The following HK2 variants were observed in gnomAD, a reference collection of about 807,000 sequenced individuals.
The protein encoded by HK2 is hexokinase 2, also known as hexokinase-2.
In HK2, 42 loss-of-function variants were observed where a neutral mutation model predicts 92.9. That is an observed-to-expected ratio of 0.45 (90% CI 0.35 to 0.58). HK2 has a LOEUF of 0.58. Among genes scored for constraint, HK2 ranks in the 20% least tolerant of loss-of-function variants. The probability of loss-of-function intolerance (pLI) is 0.00; values close to 1 mark genes in which losing one functional copy is unlikely to be tolerated. For missense variants in HK2, 978 were observed against 1,245.1 expected, an observed-to-expected ratio of 0.79 and a Z score of 3.23; for synonymous variants, 422 against 468.0, an observed-to-expected ratio of 0.90 and a Z score of 1.27.
chr2:74,842,008 G>A (rs1688325341), intron 1 of HK2, among the ~76,000 whole-genome samples: 1 of 152,220 alleles, frequency 6.6e-6, no homozygotes. Flanking sequence ...GTTGAACTCT[G>A]GCTTTCTGCA....
chr2:74,843,136 C>A (rs3821310), intron 1 of HK2, among the ~76,000 whole-genome samples: 21,734 of 152,142 alleles, frequency 0.14, 1,855 homozygotes, highest in African/African-American at 0.23. Flanking sequence ...AGGTTTGGCC[C>A]CACCGACCCC....
chr2:74,848,173 GC>G (rs1299626147), intron 1 of HK2, among the ~76,000 whole-genome samples: 3 of 152,062 alleles, frequency 2.0e-5, no homozygotes, highest in Non-Finnish European at 2.9e-5. Context: ...AGTCTCTCAG[GC>G]CACTTAAATC....
intron 1 of HK2, among the ~76,000 whole-genome samples, chr2:74,838,152 G>A (rs1688213356): frequency 6.6e-6 from 1 of 152,194 alleles, no homozygotes; most frequent in Admixed American, 6.5e-5. Flanking sequence ...ATCTGTTAGA[G>A]TTGATGGTTT....
At chr2:74,870,736 G>C (rs1689078518) in intron 3 of HK2, among the ~76,000 whole-genome samples, 1 of 152,104 alleles carries the variant, frequency 6.6e-6, no homozygotes, top group Non-Finnish European at 1.5e-5. Context: ...TAAAATACTT[G>C]AACTCTGTTC....
chr2:74,877,038 C>G, intron 7 of HK2, 128 bp from the exon 8 acceptor site: 5 of 1,283,150 alleles, frequency 3.9e-6, no homozygotes, highest in Non-Finnish European at 5.6e-6. Flanking sequence ...GTATCTTACT[C>G]CTGGGCCGTG....
intron 1 of HK2, among the ~76,000 whole-genome samples, chr2:74,841,749 C>T (rs1688320756): frequency 6.6e-6 from 1 of 152,214 alleles, no homozygotes; most frequent in South Asian, 2.1e-4. Flanking sequence ...ACAAGTGCTC[C>T]AGAAAGCCAG....
Position 74,885,581 on chromosome 2 carries a change from C to A in HK2, c.1927C>A (p.Arg643=). The part of the protein sequence containing the change: ...VVTLLKEAIH[R]REEFDLDVVA... The stretch of plus-strand genomic sequence containing the variant: ...GACCCTGCTGAAGGAAGCGATCCAC[C>A]GGCGAGAGGTAGGAGACACATGGCA... The change falls in exon 13 of 18, where the codon CGG becomes AGG. Residue 643 remains arginine, a synonymous_variant. Transcript: ENST00000290573. The A allele has an allele frequency of 2.1e-5, 34 of 1,610,174 alleles. No individual in the cohort carries two copies. The highest frequency in any genetic ancestry group is 2.9e-5 in the Non-Finnish European group (34 of 1,176,482).
chr2:74,861,442 G>C (rs1256742924), intron 2 of HK2, among the ~76,000 whole-genome samples: 2 of 151,374 alleles, frequency 1.3e-5, no homozygotes, highest in East Asian at 3.9e-4. Context: ...AATGCAGGAA[G>C]AATTGATAGC....
chr2:74,851,226 C>G (rs564928478), intron 1 of HK2, among the ~76,000 whole-genome samples: 1 of 152,332 alleles, frequency 6.6e-6, no homozygotes, highest in East Asian at 1.9e-4. Context: ...CCCAAGTGAT[C>G]TATAAAACGG....
intron 3 of HK2, among the ~76,000 whole-genome samples, chr2:74,870,081 T>C (rs982775635): frequency 6.7e-6 from 1 of 148,988 alleles, no homozygotes; most frequent in Non-Finnish European, 1.5e-5. Flanking sequence ...CCATCCCGGC[T>C]CTCTGCAATT....
Position 74,834,690 on chromosome 2 carries a change from T to G in HK2, c.63+47T>G, listed in dbSNP as rs754446518. The G allele has an allele frequency of 6.3e-7, 1 of 1,586,652 alleles. No individual in the cohort carries two copies. The highest frequency in any genetic ancestry group is 2.2e-5 in the East Asian group (1 of 44,686). ...GGCAGGCTGGGCTCTGGCAAAGTGGTCTGGCCTCCATCAGTCTCTTCCTCG... is the reference window on the plus strand; with the variant it reads ...GGCAGGCTGGGCTCTGGCAAAGTGGGCTGGCCTCCATCAGTCTCTTCCTCG... On this transcript the variant is annotated intron_variant, in intron 1 of 17. Coordinates refer to ENST00000290573, the MANE Select transcript of HK2 (RefSeq NM_000189.5). This position sits in a 1 kb window ranked among gnomAD's most constrained non-coding sequence, Gnocchi z 4.2.
chr2:74,880,239 C>T (rs1014741524), intron 9 of HK2, 26 bp from the exon 10 acceptor site: 3 of 1,613,574 alleles, frequency 1.9e-6, no homozygotes, highest in Non-Finnish European at 2.5e-6. Flanking sequence ...GGACACCTGT[C>T]TCTTACCCGC....
At chr2:74,852,649 T>C (rs1020122915) in intron 1 of HK2, among the ~76,000 whole-genome samples, 3 of 150,896 alleles carry the variant, frequency 2.0e-5, no homozygotes, top group Admixed American at 2.0e-4. Context: ...AGCTGGGCAA[T>C]ATAGCAAGAC....
intron 13 of HK2, among the ~76,000 whole-genome samples, chr2:74,885,845 AACACACACACACACACAC>A (rs71406901): frequency 7.7e-6 from 1 of 129,126 alleles, no homozygotes; most frequent in Admixed American, 7.6e-5. Flanking sequence ...AGAGCTGTGA[AACACACACACACACACAC>A]ACACACACAC....
At chr2:74,837,672 C>CT (rs894014535) in intron 1 of HK2, among the ~76,000 whole-genome samples, 20,295 of 104,270 alleles carry the variant, frequency 0.19, 2,502 homozygotes, top group Non-Finnish European at 0.24. Flanking sequence ...TTGCCCTTGT[C>CT]TTTTTTTTTT....
chr2:74,837,734 G>A (rs1416587551), intron 1 of HK2, among the ~76,000 whole-genome samples: 1 of 145,292 alleles, frequency 6.9e-6, no homozygotes, highest in African/African-American at 2.6e-5. Flanking sequence ...GGAGTGCAGT[G>A]GCGCTATCTC....
intron 4 of HK2, among the ~76,000 whole-genome samples, chr2:74,873,041 G>T (rs1051785135): frequency 6.6e-6 from 1 of 152,198 alleles, no homozygotes; most frequent in Admixed American, 6.5e-5. Flanking sequence ...TGTTACCACC[G>T]CAGTATACAC....
In HK2 at chr2:74,868,831, G is replaced by C. The variant is rs1172066169; in HGVS notation, c.375+1047G>C. On this transcript the variant is annotated intron_variant, in intron 3 of 17. Transcript: ENST00000290573. ...AAGACTTGTAACGTGATGGTGACTT[G>C]TTAGGTGGATTTTTAAGTTTTACAA... 2.6e-5 allele frequency among the ~76,000 whole-genome samples: 4 copies of C among 152,190 alleles called. No homozygotes were observed. The East Asian group carries it at 7.7e-4, about 29-fold the overall frequency.
intron 16 of HK2, 138 bp downstream of exon 16, chr2:74,888,196 GT>G (rs1407923982): frequency 6.8e-6 from 6 of 885,438 alleles, no homozygotes; most frequent in Non-Finnish European, 8.9e-6. Flanking sequence ...TGTCTATAGT[GT>G]TTACTAAAAG....
Sources: gnomAD v4.1 joint callset for allele counts (sites outside exome capture counted in the v4.1 genomes callset) on GRCh38, gnomAD v4.1.1 for gene constraint, Gnocchi (gnomAD v3.1) non-coding constraint, MANE v1.5 for transcripts, NCBI Gene and HGNC (gene_info 2026-07-23, HGNC 2026-07-21) for gene names.